ABCA6: variants seen among roughly 807,000 people sequenced by gnomAD.
ABCA6 encodes the protein ATP binding cassette subfamily A member 6, also known as ATP-binding cassette sub-family A member 6.
ABCA6 carries 164 observed loss-of-function variants against 191.2 expected under a neutral mutation model. That is an observed-to-expected ratio of 0.86 (90% CI 0.76 to 0.98). The LOEUF is 0.98. Among genes scored for constraint, ABCA6 ranks in the 50% least tolerant of loss-of-function variants. ABCA6 has a pLI of 0.00. For synonymous variants in ABCA6, 636 were observed against 647.7 expected (o/e 0.98, Z 0.27); for missense variants, 1,958 against 1,894.1 (o/e 1.03, Z -0.63).
chr17:69,126,540 T>C (rs535523621), intron 8 of ABCA6, among the ~76,000 whole-genome samples: 15 of 151,848 alleles, frequency 9.9e-5, no homozygotes, highest in East Asian at 1.9e-4. Flanking sequence ...CCTAGTTACT[T>C]GCGAGGCCGA....
Position 69,082,770 on chromosome 17 carries a change from T to G in ABCA6, c.4616+103A>C, listed in dbSNP as rs77150560. The G allele has an allele frequency of 1.7e-3, 2,605 of 1,513,812 alleles. 39 individuals carry two copies. In the African/African-American group the frequency reaches 0.032, roughly 19 times the overall value. 93.8% of individuals were successfully genotyped at this position (1,513,812 alleles called of 1,614,324 possible). On this transcript the variant is annotated intron_variant, in intron 36 of 38. Coordinates refer to ENST00000284425, the MANE Select transcript of ABCA6 (RefSeq NM_080284.3). ...AAATCCTTTTCTGAGGTCCCTAACT[T>G]TTATTATGAAGCCAAATCACTATGA...
rs2073410641 is a variant in ABCA6 at position 69,110,932 on chromosome 17, C to T, written c.2141G>A (p.Arg714Lys). The change falls in exon 17 of 39, where the codon AGG becomes AAG. Residue 714 changes from arginine to lysine, a missense_variant. Transcript: ENST00000284425. ...WGLGYHLSLH[R>K]NEICNPEQIT... ...TTGTTCTGGGTTACATATTTCATTCCTATGTAAACTAATATTTAAAAGAAA... is the reference window on the plus strand; with the variant it reads ...TTGTTCTGGGTTACATATTTCATTCTTATGTAAACTAATATTTAAAAGAAA... 6 of 1,588,952 alleles carry T rather than the reference C, an allele frequency of 3.8e-6. No homozygotes were observed. Among genetic ancestry groups the T allele is most frequent in the Non-Finnish European group, 3.4e-6 (4 of 1,171,200 alleles).
At chr17:69,087,104 T>C (rs543772578) in intron 29 of ABCA6, among the ~76,000 whole-genome samples, 4 of 152,326 alleles carry the variant, frequency 2.6e-5, no homozygotes, top group East Asian at 3.9e-4. Flanking sequence ...ATAGCCCTAA[T>C]TATGAAAGCC....
intron 10 of ABCA6, among the ~76,000 whole-genome samples, chr17:69,121,190 G>A (rs1427093178): frequency 6.6e-6 from 1 of 152,098 alleles, no homozygotes; most frequent in Non-Finnish European, 1.5e-5. Flanking sequence ...ATTGTCTACA[G>A]GTGGGGAAGA....
rs2072666489 is a variant in ABCA6 at position 69,082,595 on chromosome 17, T to C, written c.4616+278A>G. Among the ~76,000 whole-genome samples, 2 of 152,150 alleles carry C rather than the reference T, an allele frequency of 1.3e-5. 1 individual carries two copies. Among genetic ancestry groups the C allele is most frequent in the South Asian group, 4.1e-4 (2 of 4,820 alleles). On this transcript the variant is annotated intron_variant, in intron 36 of 38. Coordinates refer to ENST00000284425, the MANE Select transcript of ABCA6 (RefSeq NM_080284.3). ...CATTGTGGTCCTGTGTGGGTTTGAG[T>C]CATTAGAAGTTCCTTCTCCCAAGTC...
chr17:69,134,886 G>GTTTTTTTTTTTT (rs1454692425), intron 4 of ABCA6, 144 bp from the exon 5 acceptor site: 40 of 126,942 alleles, frequency 3.2e-4, no homozygotes, highest in Middle Eastern at 2.1e-3. Flanking sequence ...TGTTGTGGTT[G>GTTTTTTTTTTTT]TCTTTTTTTT....
chr17:69,119,529 T>A (rs2073599906), intron 10 of ABCA6, among the ~76,000 whole-genome samples: 1 of 152,070 alleles, frequency 6.6e-6, no homozygotes, highest in Non-Finnish European at 1.5e-5. Flanking sequence ...CCATTTTATT[T>A]ACTCCTCAAC....
intron 15 of ABCA6, 36 bp from the exon 16 acceptor site, chr17:69,112,309 G>T: frequency 1.3e-6 from 2 of 1,515,852 alleles, no homozygotes; most frequent in South Asian, 2.3e-5. Flanking sequence ...AAGATATTGG[G>T]GGTCATTTCT....
At chr17:69,129,545 T>C in intron 7 of ABCA6, 65 bp downstream of exon 7, 1 of 1,387,570 alleles carries the variant, frequency 7.2e-7, no homozygotes, top group Non-Finnish European at 9.9e-7. Context: ...TACTAGGGCA[T>C]TAATATTAGC....
At position 69,085,067 on chromosome 17, in the gene ABCA6, T is replaced by C; in HGVS notation, c.4145A>G (p.Lys1382Arg). 2 of 1,613,576 alleles carry C rather than the reference T, an allele frequency of 1.2e-6. No individual in the cohort carries two copies. The highest frequency in any genetic ancestry group is 1.7e-6 in the Non-Finnish European group (2 of 1,179,870). Residue 1382 changes from lysine (K) to arginine (R), a missense_variant, in exon 32 of 39, where the codon AAG (lysine) becomes AGG (arginine). Transcript: ENST00000284425. ...CCTCGCGTCCGCTTTCCTGAGCCCC[T>C]TGACGGCAGCATACACCTCCAGGTG... is the stretch of plus-strand genomic sequence containing the variant. Reference protein sequence around the residue: ...REHLEVYAAVKGLRKADARLA... With the variant: ...REHLEVYAAVRGLRKADARLA...
At position 69,085,636 on chromosome 17, in the gene ABCA6, T is replaced by A. The variant is rs763733392; in HGVS notation, c.4018A>T (p.Thr1340Ser). The A allele has an allele frequency of 2.5e-6, 4 of 1,611,454 alleles. No individual in the cohort carries two copies. Among genetic ancestry groups the A allele is most frequent in the Non-Finnish European group, 3.4e-6 (4 of 1,178,422 alleles). The change falls in exon 31 of 39, where the codon ACT becomes TCT. Residue 1340 changes from threonine to serine, a missense_variant. Thr to Ser is a moderately conservative substitution (Grantham distance 58, BLOSUM62 1). Coordinates refer to ENST00000284425, the MANE Select transcript of ABCA6 (RefSeq NM_080284.3). ...CATTTCCTCACTACCTCTCCAGCAG[T>A]TGGCTTTGTGATCCCAGATATCATT... Reference protein sequence around the residue: ...IRMISGITKPTAGEVELKGCS... With the variant: ...IRMISGITKPSAGEVELKGCS...
At chr17:69,134,484 C>G (rs2073917202) in intron 5 of ABCA6, among the ~76,000 whole-genome samples, 155 bp downstream of exon 5, 1 of 152,094 alleles carries the variant, frequency 6.6e-6, no homozygotes, top group African/African-American at 2.4e-5. Flanking sequence ...TTCTCAGCCT[C>G]CAGAAATAAA....
intron 25 of ABCA6, among the ~76,000 whole-genome samples, chr17:69,093,268 A>G (rs1056350159): frequency 1.3e-5 from 2 of 152,210 alleles, no homozygotes; most frequent in Non-Finnish European, 2.9e-5. Flanking sequence ...TAGCTCATAG[A>G]ATGAATTGCT....
Position 69,115,420 on chromosome 17 carries a change from G to C in ABCA6, c.1562C>G (p.Ser521Cys). The C allele has an allele frequency of 6.2e-7, 1 of 1,611,836 alleles. No homozygotes were observed. Among genetic ancestry groups the C allele is most frequent in the South Asian group, 1.1e-5 (1 of 90,742 alleles). The change falls in exon 12 of 39, where the codon TCT becomes TGT. Residue 521 changes from serine to cysteine, a missense_variant. Ser to Cys is a moderately radical substitution (Grantham distance 112). Transcript: ENST00000284425. ...AILGHSGAGKSSLLNILNGLS... is the reference protein window; with the variant it reads ...AILGHSGAGKCSLLNILNGLS... ...TCCATTAAGAATATTTAGCAGTGAA[G>C]ATTTGCCAGCTCCACTGTGACCCAG...
At chr17:69,128,926 G>T in intron 7 of ABCA6, 122 bp from the exon 8 acceptor site, 1 of 744,520 alleles carries the variant, frequency 1.3e-6, no homozygotes, top group Non-Finnish European at 2.1e-6. Context: ...TGAGAAAGTG[G>T]TGAAAATATT....
Position 69,141,863 on chromosome 17 carries a change from C to T in ABCA6, c.-164G>A, listed in dbSNP as rs1430438765. 2.0e-5 allele frequency: 3 copies of T among 152,040 alleles called. No homozygotes were observed. In the East Asian group the frequency reaches 5.8e-4, roughly 29 times the overall value. 9.4% of individuals were successfully genotyped at this position (152,040 alleles called of 1,614,324 possible). A position where few individuals can be genotyped will look rare whatever the true frequency, so the allele number is the denominator to read the frequency against. ...CTTCATTTTTTCTTTAAATGGGTGC[C>T]TACTCCAGCAGCTCTTACACAGCCT... On this transcript the variant is annotated 5_prime_UTR_variant, in exon 1 of 39. Transcript: ENST00000284425.
At chr17:69,083,768 G>A (rs2072700063) in intron 34 of ABCA6, among the ~76,000 whole-genome samples, 3 of 152,104 alleles carry the variant, frequency 2.0e-5, no homozygotes, top group Admixed American at 2.0e-4. Flanking sequence ...ATCGGACAGT[G>A]ACCAATATGA....
At chr17:69,135,841 G>T in intron 4 of ABCA6, 1 of 471,956 alleles carries the variant, frequency 2.1e-6, no homozygotes, top group Non-Finnish European at 3.7e-6. Flanking sequence ...GGGCCTGTCA[G>T]TCTTGGTTAC....
chr17:69,083,429 C>A, intron 34 of ABCA6, 98 bp from the exon 35 acceptor site: 1 of 1,269,852 alleles, frequency 7.9e-7, no homozygotes, highest in Non-Finnish European at 1.0e-6. Context: ...GATCCTAATG[C>A]AAAAAAATAG....
Sources: gnomAD v4.1 joint callset for allele counts (sites outside exome capture counted in the v4.1 genomes callset) on GRCh38, gnomAD v4.1.1 for gene constraint, MANE v1.5 for transcripts, NCBI Gene and HGNC (gene_info 2026-07-23, HGNC 2026-07-21) for gene names.